The following CLDN18 variants were observed in gnomAD, a reference collection of about 807,000 sequenced individuals.
The protein encoded by CLDN18 is claudin-18.
CLDN18 carries 20 observed loss-of-function variants against 25.0 expected under a neutral mutation model. That is an observed-to-expected ratio of 0.80 (90% CI 0.56 to 1.16). CLDN18 has a LOEUF of 1.16. CLDN18 is among the 50% of genes most tolerant of loss of function. The pLI is 0.00. For synonymous variants in CLDN18, 125 were observed against 135.6 expected (o/e 0.92, Z 0.54); for missense variants, 297 against 345.4 (o/e 0.86, Z 1.11).
chr3:138,018,698 G>A (rs1167011616), intron 1 of CLDN18, among the ~76,000 whole-genome samples: 2 of 152,152 alleles, frequency 1.3e-5, no homozygotes, highest in African/African-American at 2.4e-5. Flanking sequence ...ACTTCACCTC[G>A]TAGTAGTATT....
chr3:138,030,035 C>T (rs1293838408), intron 4 of CLDN18, 128 bp downstream of exon 4: 21 of 654,646 alleles, frequency 3.2e-5, no homozygotes, highest in South Asian at 1.8e-4. Context: ...TAAGGATTAT[C>T]GAAGCTTCTC....
chr3:138,016,649 A>G (rs1345785012), intron 1 of CLDN18, among the ~76,000 whole-genome samples: 1 of 152,192 alleles, frequency 6.6e-6, no homozygotes, highest in African/African-American at 2.4e-5. Context: ...GTAAAGTGGT[A>G]AGCCTTACAG....
intron 3 of CLDN18, among the ~76,000 whole-genome samples, chr3:138,025,367 G>A (rs1457107463): frequency 2.0e-5 from 3 of 152,158 alleles, no homozygotes; most frequent in Non-Finnish European, 4.4e-5. Flanking sequence ...CAATACCAAC[G>A]CCCATATTCA....
At chr3:138,017,695 G>A (rs1942222781) in intron 1 of CLDN18, among the ~76,000 whole-genome samples, 1 of 152,212 alleles carries the variant, frequency 6.6e-6, no homozygotes, top group African/African-American at 2.4e-5. Flanking sequence ...GTGATTATAA[G>A]TTAGTTATAA....
At chr3:138,028,126 G>A (rs142920960) in intron 3 of CLDN18, among the ~76,000 whole-genome samples, 1,704 of 151,384 alleles carry the variant, frequency 0.011, 27 homozygotes, top group African/African-American at 0.039. Context: ...GTGCAATGGC[G>A]CAATCTCGGC....
intron 1 of CLDN18, among the ~76,000 whole-genome samples, chr3:138,013,429 G>T (rs71312563): frequency 3.9e-5 from 6 of 152,320 alleles, no homozygotes; most frequent in Middle Eastern, 6.8e-3. Flanking sequence ...TTTACTTCCT[G>T]CCCACATAAA....
At chr3:138,006,577 A>G (rs1942071726), upstream of CLDN18, among the ~76,000 whole-genome samples, 1 of 152,214 alleles carries the variant, frequency 6.6e-6, no homozygotes, top group South Asian at 2.1e-4. Context: ...GTAGAGATAC[A>G]TTGATATGTT....
chr3:138,026,175 AC>A (rs963225364), intron 3 of CLDN18, among the ~76,000 whole-genome samples: 1 of 150,288 alleles, frequency 6.7e-6, no homozygotes, highest in Non-Finnish European at 1.5e-5. Flanking sequence ...TGGTCCTGGG[AC>A]CCCCCTCCTT....
intron 1 of CLDN18, among the ~76,000 whole-genome samples, chr3:138,012,555 C>T (rs947531388): frequency 1.3e-5 from 2 of 152,136 alleles, no homozygotes; most frequent in African/African-American, 4.8e-5. Flanking sequence ...GAATTCCCCC[C>T]TCCACCACCC....
At chr3:138,000,554 G>A (rs1942005441) in intron 1 of CLDN18, among the ~76,000 whole-genome samples, 1 of 152,166 alleles carries the variant, frequency 6.6e-6, no homozygotes, top group Non-Finnish European at 1.5e-5. Flanking sequence ...TTGGTTGGTT[G>A]GTTTGGGATT....
At chr3:138,001,529 C>T (rs1942016101) in intron 1 of CLDN18, among the ~76,000 whole-genome samples, 1 of 152,030 alleles carries the variant, frequency 6.6e-6, no homozygotes, top group African/African-American at 2.4e-5. Context: ...GCAACATTCC[C>T]CCATTCTTAT....
chr3:138,024,483 G>A lies in CLDN18; in HGVS notation c.386-124G>A. On this transcript the variant is annotated intron_variant, in intron 2 of 4. Coordinates refer to ENST00000183605, the MANE Select transcript of CLDN18 (RefSeq NM_016369.4). ...ACATAGCAAGAATTCAATAATCAAT[G>A]CTTGGTTATAGGGATACAATATTCT... 8.9e-6 allele frequency: 6 copies of A among 671,660 alleles called. No homozygotes were observed. In the South Asian group the frequency reaches 1.1e-4, roughly 12 times the overall value. 41.6% of individuals were successfully genotyped at this position (671,660 alleles called of 1,614,324 possible). A position where few individuals can be genotyped will look rare whatever the true frequency, so the allele number is the denominator to read the frequency against.
At chr3:137,998,994 T>C in exon 1 of CLDN18, 1 of 1,614,234 alleles carries the variant, frequency 6.2e-7, no homozygotes, top group Non-Finnish European at 8.5e-7. Context: ...CCGTAACAGC[T>C]GTTTTCAACT....
intron 4 of CLDN18, among the ~76,000 whole-genome samples, chr3:138,030,189 T>C (rs1344824130): frequency 1.3e-5 from 2 of 152,112 alleles, no homozygotes; most frequent in African/African-American, 4.8e-5. Context: ...AGGAGCAATT[T>C]CCCCCCCAGG....
At chr3:138,003,969 C>T (rs920760962) in intron 1 of CLDN18, among the ~76,000 whole-genome samples, 15 of 152,186 alleles carry the variant, frequency 9.9e-5, no homozygotes, top group East Asian at 3.9e-4. Context: ...GTCAGGAGTT[C>T]GAGACCAGCC....
chr3:138,013,615 G>A (rs1288657458), intron 1 of CLDN18, among the ~76,000 whole-genome samples: 1 of 152,222 alleles, frequency 6.6e-6, no homozygotes, highest in Non-Finnish European at 1.5e-5. Context: ...GCTGGGAGAT[G>A]TAGGAGCACA....
At position 138,032,845 on chromosome 3, in the gene CLDN18, C is replaced by T. The variant is rs1379086019; in HGVS notation, c.*1704C>T. On this transcript the variant is annotated 3_prime_UTR_variant, in exon 5 of 5. Coordinates refer to ENST00000183605, the MANE Select transcript of CLDN18 (RefSeq NM_016369.4). ...GGCAAAACTGAAAGCTCTTTGCAAC[C>T]ACACACCTTCCCTGAGCTTACATCA... 1.3e-5 allele frequency: 2 copies of T among 152,224 alleles called. No homozygotes were observed. Among genetic ancestry groups the T allele is most frequent in the African/African-American group, 2.4e-5 (1 of 41,432 alleles). 9.4% of individuals were successfully genotyped at this position (152,224 alleles called of 1,614,324 possible).
upstream of CLDN18, among the ~76,000 whole-genome samples, chr3:138,009,300 ACTT>A (rs1330776744): frequency 6.6e-6 from 1 of 152,140 alleles, no homozygotes; most frequent in Non-Finnish European, 1.5e-5. Flanking sequence ...CAGGCCAAGG[ACTT>A]CAGCCCAGCT....
At position 138,024,687 on chromosome 3, in the gene CLDN18, A is replaced by G. The variant is rs755158124; in HGVS notation, c.466A>G (p.Thr156Ala). 1 of 1,613,134 alleles carries G rather than the reference A, an allele frequency of 6.2e-7. No homozygotes were observed. Among genetic ancestry groups the G allele is most frequent in the South Asian group, 1.1e-5 (1 of 91,062 alleles). Reference sequence around the variant, plus strand: ...CTGGATGTCCACAGCTAACATGTACACCGGCATGGGTGGGATGGTGCAGAC... The same window carrying G: ...CTGGATGTCCACAGCTAACATGTACGCCGGCATGGGTGGGATGGTGCAGAC... ...NFWMSTANMY[T>A]GMGGMVQTVQ... The change falls in exon 3 of 5, where the codon ACC (threonine) becomes GCC (alanine). Residue 156 changes from threonine to alanine, a missense_variant. Thr to Ala is a moderately conservative substitution (Grantham distance 58). Transcript: ENST00000183605.
Sources: gnomAD v4.1 joint callset for allele counts (sites outside exome capture counted in the v4.1 genomes callset) on GRCh38, gnomAD v4.1.1 for gene constraint, MANE v1.5 for transcripts, NCBI Gene and HGNC (gene_info 2026-07-23, HGNC 2026-07-21) for gene names.